The following INSL6 variants were observed in gnomAD, a reference collection of about 807,000 sequenced individuals.
INSL6 encodes the protein insulin-like peptide INSL6.
A neutral mutation model predicts 9.4 loss-of-function variants in INSL6; 16 were observed. The ratio of observed to expected loss-of-function variants is 1.70; its 90% CI spans 1.15 to 2.59. INSL6 has a LOEUF of 2.59. INSL6 is among the 30% of genes most tolerant of loss of function. The pLI, the probability that INSL6 is intolerant of heterozygous loss-of-function variation, is 0.00. For missense variants in INSL6, 391 were observed against 257.3 expected, an observed-to-expected ratio of 1.52 and a Z score of -3.56; for synonymous variants, 154 against 96.9, an observed-to-expected ratio of 1.59 and a Z score of -3.46.
chr9:5,185,508 A>G lies in INSL6; in HGVS notation c.95T>C (p.Leu32Pro), dbSNP rs755672520. Reference protein sequence around the residue: ...ELSDISSARKLCGRYLVKEIE... With the variant: ...ELSDISSARKPCGRYLVKEIE... ...TTCTTTCACCAAGTACCTGCCGCAC[A>G]GCTTCCTGGCACTGCTGATGTCGCT... Residue 32 changes from leucine (L) to proline (P), a missense_variant, in exon 1 of 2, where the codon CTG becomes CCG. Leu to Pro is a moderately conservative substitution (Grantham distance 98). Transcript: ENST00000381641. 2 of 1,614,170 alleles carry G rather than the reference A, an allele frequency of 1.2e-6. No individual in the cohort carries two copies. Among genetic ancestry groups the G allele is most frequent in the Non-Finnish European group, 8.5e-7 (1 of 1,180,020 alleles).
chr9:5,003,338 G>A, the INSL6 span, among the ~76,000 whole-genome samples: 101,899 of 151,776 alleles, frequency 0.67, 35,718 homozygotes, highest in African/African-American at 0.89. Flanking sequence ...GAGTTTTTCT[G>A]TATTCTTATA....
the INSL6 span, among the ~76,000 whole-genome samples, chr9:5,075,932 C>A: frequency 6.6e-6 from 1 of 152,044 alleles, no homozygotes; most frequent in African/African-American, 2.4e-5. Flanking sequence ...ATCAAAATGG[C>A]AGCATTAATA....
chr9:5,161,641 A>C (rs1052883650), downstream of INSL6, among the ~76,000 whole-genome samples: 1 of 152,214 alleles, frequency 6.6e-6, no homozygotes, highest in African/African-American at 2.4e-5. Context: ...AGAAATGAGT[A>C]AAACCATCCT....
chr9:5,128,695 A>G (rs559939928), intron 3 of INSL6, among the ~76,000 whole-genome samples: 1 of 152,082 alleles, frequency 6.6e-6, no homozygotes, highest in East Asian at 1.9e-4. Context: ...ACCTTATTAT[A>G]AAATTCCAAG....
chr9:5,110,912 G>C, the INSL6 span: 2 of 563,034 alleles, frequency 3.6e-6, no homozygotes, highest in Admixed American at 2.2e-5. Flanking sequence ...GGCCCCAAGA[G>C]AATGAACCAG....
the INSL6 span, among the ~76,000 whole-genome samples, chr9:5,093,031 T>C: frequency 2.0e-5 from 3 of 152,114 alleles, no homozygotes; most frequent in African/African-American, 7.2e-5. Context: ...TTCTAATCAC[T>C]CTACGGAACT....
At chr9:5,139,959 G>C (rs982747941) in intron 2 of INSL6, among the ~76,000 whole-genome samples, 1 of 152,070 alleles carries the variant, frequency 6.6e-6, no homozygotes, top group African/African-American at 2.4e-5. Context: ...GGGATTGTTA[G>C]TTGAAAATAG....
the INSL6 span, among the ~76,000 whole-genome samples, chr9:5,067,221 A>G: frequency 6.6e-6 from 1 of 152,150 alleles, no homozygotes; most frequent in East Asian, 1.9e-4. Context: ...TCAATAACAA[A>G]CAAATAGAAA....
At position 5,164,280 on chromosome 9, in the gene INSL6, GA is replaced by G; in HGVS notation, c.290-16del. ...AGAAGTAGACACTGTTGAGAGAGAA[GA>G]AAATAAATGCTCCTTTATTAAAATC... On this transcript the variant is annotated splice_polypyrimidine_tract_variant and intron_variant, in intron 1 of 1. Transcript: ENST00000381641. 6.8e-7 allele frequency: 1 copy of G among 1,476,532 alleles called. No homozygotes were observed. The highest frequency in any genetic ancestry group is 1.2e-5 in the South Asian group (1 of 83,722). The allele number at this position is 1,476,532 out of a possible 1,614,324, so 91.5% of individuals were successfully genotyped here. A position where few individuals can be genotyped will look rare whatever the true frequency, so the allele number is the denominator to read the frequency against.
At chr9:5,026,701 G>GTT in the INSL6 span, among the ~76,000 whole-genome samples, 1 of 152,102 alleles carries the variant, frequency 6.6e-6, no homozygotes, top group African/African-American at 2.4e-5. Flanking sequence ...TGATTGTTGT[G>GTT]TTTGTGCTTG....
chr9:5,121,967 A>G (rs1365218630), downstream of INSL6, among the ~76,000 whole-genome samples: 2 of 152,174 alleles, frequency 1.3e-5, no homozygotes, highest in Non-Finnish European at 2.9e-5. Context: ...CATACATTTG[A>G]TAATAACATA....
intron 2 of INSL6, among the ~76,000 whole-genome samples, chr9:5,153,238 G>C (rs988426979): frequency 2.6e-5 from 4 of 152,092 alleles, no homozygotes; most frequent in Non-Finnish European, 5.9e-5. Context: ...GAGCCAAGTA[G>C]TCTGGCTCTG....
chr9:5,110,985 G>A, the INSL6 span: 4 of 644,274 alleles, frequency 6.2e-6, no homozygotes, highest in South Asian at 4.5e-5. Context: ...TCAGCATGAT[G>A]TTCCCGCTGC....
intron 1 of INSL6, among the ~76,000 whole-genome samples, chr9:5,174,914 T>A (rs911968282): frequency 3.0e-4 from 45 of 152,142 alleles, no homozygotes; most frequent in African/African-American, 1.0e-3. Context: ...ATACAAAACT[T>A]CAGAATTAAC....
chr9:5,153,662 A>G (rs973558590), intron 2 of INSL6, among the ~76,000 whole-genome samples: 8 of 152,306 alleles, frequency 5.3e-5, no homozygotes, highest in African/African-American at 1.9e-4. Flanking sequence ...AAAAGTCACA[A>G]GCATTCTTAT....
chr9:4,992,079 A>G, the INSL6 span, among the ~76,000 whole-genome samples: 19 of 152,332 alleles, frequency 1.2e-4, no homozygotes, highest in Admixed American at 3.3e-4. Context: ...CACAATGGCT[A>G]CTAGGACATG....
chr9:5,105,624 A>G, the INSL6 span, among the ~76,000 whole-genome samples: 3 of 152,232 alleles, frequency 2.0e-5, no homozygotes, highest in Non-Finnish European at 4.4e-5. Flanking sequence ...CTAAGCCAAA[A>G]GAACAAAGCT....
At chr9:5,112,420 C>T in the INSL6 span, 15 of 488,212 alleles carry the variant, frequency 3.1e-5, no homozygotes, top group African/African-American at 1.8e-4. Context: ...GAGAACACGT[C>T]GGCGGCTGAC....
the INSL6 span, among the ~76,000 whole-genome samples, chr9:5,117,761 A>C: frequency 6.6e-6 from 1 of 152,058 alleles, no homozygotes; most frequent in Admixed American, 6.5e-5. Flanking sequence ...GTTTTTTGGC[A>C]ACCTCAGTAA....
Sources: allele counts gnomAD v4.1 joint callset (sites outside exome capture counted in the v4.1 genomes callset), GRCh38; gene constraint gnomAD v4.1.1; transcripts MANE v1.5; gene names NCBI Gene and HGNC (gene_info 2026-07-23, HGNC 2026-07-21).